The following CCDC144A variants were observed in gnomAD, a reference collection of about 807,000 sequenced individuals.
The protein encoded by CCDC144A is coiled-coil domain containing 144A, also known as coiled-coil domain-containing protein 144A.
Under a neutral mutation model 143.8 loss-of-function variants are expected in CCDC144A, and 41 were observed. The observed-to-expected ratio is 0.29, with a 90% confidence interval of 0.22 to 0.37. CCDC144A has a LOEUF of 0.37. Among genes scored for constraint, CCDC144A ranks in the 10% least tolerant of loss-of-function variants. The pLI is 1.00. For synonymous variants in CCDC144A, 242 were observed against 517.9 expected, an observed-to-expected ratio of 0.47 and a Z score of 7.23; for missense variants, 637 against 1,488.8, an observed-to-expected ratio of 0.43 and a Z score of 9.41.
chr17:16,679,285 A>C, the CCDC144A span, among the ~76,000 whole-genome samples: 3 of 152,088 alleles, frequency 2.0e-5, no homozygotes, highest in African/African-American at 7.2e-5. Flanking sequence ...ATGGATAGGT[A>C]GGGGGTGTAT....
chr17:16,705,347 T>A lies in CCDC144A; in HGVS notation c.612T>A (p.Thr204=), dbSNP rs1367906317. Reference sequence around the variant, plus strand: ...TTGTACTTCTCTCAGGGAATGATACTCTCCATGACCTGTGCCAATCACAGC... The same window carrying A: ...TTGTACTTCTCTCAGGGAATGATACACTCCATGACCTGTGCCAATCACAGC... ...TGVVLLSGND[T]LHDLCQSQLP... is the part of the protein sequence containing the mutation. Residue 204 remains threonine (T), a synonymous_variant, in exon 3 of 17, where the codon ACT becomes ACA. Transcript: ENST00000399273. 6.0e-6 allele frequency: 5 copies of A among 827,634 alleles called. No individual in the cohort carries two copies. In the South Asian group the frequency reaches 7.3e-5, roughly 12 times the overall value. 51.3% of individuals were successfully genotyped at this position (827,634 alleles called of 1,614,324 possible). A position where few individuals can be genotyped will look rare whatever the true frequency, so the allele number is the denominator to read the frequency against.
At chr17:16,730,702 C>T (rs979648401) in intron 9 of CCDC144A, among the ~76,000 whole-genome samples, 1 of 128,846 alleles carries the variant, frequency 7.8e-6, no homozygotes, top group Non-Finnish European at 1.5e-5. Context: ...AGATCTTTCA[C>T]CTCCTTGGTT....
At chr17:16,719,345 A>G (rs1207797889) in intron 6 of CCDC144A, among the ~76,000 whole-genome samples, 1 of 152,098 alleles carries the variant, frequency 6.6e-6, no homozygotes, top group African/African-American at 2.4e-5. Context: ...AGTTTTTTGA[A>G]AGTAGGTTTC....
At chr17:16,680,511 G>C in the CCDC144A span, among the ~76,000 whole-genome samples, 2 of 151,290 alleles carry the variant, frequency 1.3e-5, 1 homozygote. Flanking sequence ...TAACACCACT[G>C]CACTCCAGCC....
intron 2 of CCDC144A, among the ~76,000 whole-genome samples, chr17:16,696,161 CG>C (rs1330371133): frequency 6.6e-6 from 1 of 152,042 alleles, no homozygotes; most frequent in Non-Finnish European, 1.5e-5. Context: ...AATACAGGCG[CG>C]AGCCACCATG....
At position 16,709,685 on chromosome 17, in the gene CCDC144A, T is replaced by C. The variant is rs1217646271; in HGVS notation, c.1578+50T>C. The C allele has an allele frequency of 1.9e-6, 3 of 1,562,520 alleles. No individual in the cohort carries two copies. The African/African-American group carries it at 4.1e-5, about 22-fold the overall frequency. ...TTTGTTTTTTCTCTCAATTATCTGG[T>C]CCATTCTGATTTTCCACTTAGGAAA... On this transcript the variant is annotated intron_variant, in intron 5 of 16. Transcript: ENST00000399273.
At chr17:16,754,993 CTTTTA>C (rs1436569703) in intron 12 of CCDC144A, among the ~76,000 whole-genome samples, 17 of 152,326 alleles carry the variant, frequency 1.1e-4, no homozygotes, top group African/African-American at 1.9e-4. Flanking sequence ...TTCTCTTTCT[CTTTTA>C]TTTTATTTTA....
rs182012646 is a variant in CCDC144A, at chr17:16,703,859, G to A, written c.416-1292G>A. ...GCACGCACAGCCATACATTCCAATAGCCTTTAGAACTATGACCCATTCACC... is the reference window on the plus strand; with the variant it reads ...GCACGCACAGCCATACATTCCAATAACCTTTAGAACTATGACCCATTCACC... On this transcript the variant is annotated intron_variant, in intron 2 of 16. Coordinates refer to ENST00000399273, the MANE Select transcript of CCDC144A (RefSeq NM_001382000.1). Among the ~76,000 whole-genome samples, 31 of 152,186 alleles carry A rather than the reference G, an allele frequency of 2.0e-4. 1 individual carries two copies. Among genetic ancestry groups the A allele is most frequent in the African/African-American group, 6.7e-4 (28 of 41,524 alleles).
intron 8 of CCDC144A, among the ~76,000 whole-genome samples, chr17:16,725,472 T>G (rs941405543): frequency 6.6e-6 from 1 of 151,076 alleles, no homozygotes; most frequent in African/African-American, 2.4e-5. Context: ...AACATCACAG[T>G]CCATCTTCAA....
At chr17:16,686,972 C>T (rs1328402864), upstream of CCDC144A, among the ~76,000 whole-genome samples, 1 of 151,884 alleles carries the variant, frequency 6.6e-6, no homozygotes, top group Non-Finnish European at 1.5e-5. Context: ...CCCAGCTAGG[C>T]CAAGGGGTAG....
At chr17:16,728,345 C>T (rs1913534741) in intron 9 of CCDC144A, among the ~76,000 whole-genome samples, 1 of 152,206 alleles carries the variant, frequency 6.6e-6, no homozygotes, top group Non-Finnish European at 1.5e-5. Context: ...CAGCCCAGAA[C>T]ATTTTTTATA....
chr17:16,746,737 C>G, intron 12 of CCDC144A: 13 of 1,610,948 alleles, frequency 8.1e-6, no homozygotes, highest in Non-Finnish European at 9.3e-6. Flanking sequence ...TGGTGAGGCC[C>G]GGAGGCAGGC....
chr17:16,725,616 G>A (rs1017693627), intron 8 of CCDC144A, among the ~76,000 whole-genome samples: 2 of 152,052 alleles, frequency 1.3e-5, no homozygotes, highest in African/African-American at 4.8e-5. Flanking sequence ...GGAGGTTGGG[G>A]ACTTGTGGGG....
chr17:16,755,134 G>A (rs3898671), intron 12 of CCDC144A, among the ~76,000 whole-genome samples: 1 of 152,204 alleles, frequency 6.6e-6, no homozygotes, highest in Non-Finnish European at 1.5e-5. Context: ...TACAGGTAAA[G>A]TGAGTTTCTT....
At chr17:16,724,275 C>T (rs1230707762) in intron 8 of CCDC144A, among the ~76,000 whole-genome samples, 2 of 152,072 alleles carry the variant, frequency 1.3e-5, no homozygotes, top group South Asian at 2.1e-4. Context: ...CAGTGGCTCA[C>T]GCCTGTAATC....
At chr17:16,753,991 T>G (rs1178072979) in intron 12 of CCDC144A, among the ~76,000 whole-genome samples, 1 of 152,262 alleles carries the variant, frequency 6.6e-6, no homozygotes, top group Non-Finnish European at 1.5e-5. Flanking sequence ...TAAACTTTAT[T>G]ACTGATTCAA....
chr17:16,712,102 C>G (rs1427638396), intron 6 of CCDC144A: 1 of 311,762 alleles, frequency 3.2e-6, no homozygotes, highest in Non-Finnish European at 6.0e-6. Context: ...TGCACTCGAG[C>G]CTGGGCAACA....
At chr17:16,686,684 G>A (rs1241452613), upstream of CCDC144A, among the ~76,000 whole-genome samples, 4 of 150,704 alleles carry the variant, frequency 2.7e-5, no homozygotes, top group African/African-American at 4.9e-5. Context: ...ATCTCACTCC[G>A]TCGCCCAGGC....
chr17:16,700,427 A>G (rs1250566504), intron 2 of CCDC144A, among the ~76,000 whole-genome samples: 1 of 152,212 alleles, frequency 6.6e-6, no homozygotes, highest in Non-Finnish European at 1.5e-5. Context: ...AATTGTTCAT[A>G]GTAAACCACA....
Sources: allele counts gnomAD v4.1 joint callset (sites outside exome capture counted in the v4.1 genomes callset), GRCh38; gene constraint gnomAD v4.1.1; transcripts MANE v1.5; gene names NCBI Gene and HGNC (gene_info 2026-07-23, HGNC 2026-07-21).